Variants in SIPA1L3 observed in about 807,000 individuals in gnomAD.
The protein encoded by SIPA1L3 is signal-induced proliferation-associated 1-like protein 3.
Under a neutral mutation model 150.1 loss-of-function variants are expected in SIPA1L3, and 59 were observed. That is an observed-to-expected ratio of 0.39 (90% CI 0.32 to 0.49). SIPA1L3 has a LOEUF of 0.49. Ranked by LOEUF, SIPA1L3 falls within the 20% of genes least tolerant of loss-of-function variation. The probability of loss-of-function intolerance (pLI) is 0.86; values close to 1 mark genes in which losing one functional copy is unlikely to be tolerated. For synonymous variants in SIPA1L3, 1,070 were observed against 1,077.6 expected (o/e 0.99, Z 0.14); for missense variants, 2,211 against 2,489.5 (o/e 0.89, Z 2.38).
chr19:38,090,005 C>G (rs1239945917), intron 4 of SIPA1L3, among the ~76,000 whole-genome samples: 1 of 152,100 alleles, frequency 6.6e-6, no homozygotes, highest in Non-Finnish European at 1.5e-5. Flanking sequence ...ATGGGCTGCT[C>G]AAATCTACTT....
At chr19:38,168,260 G>A (rs10403716) in intron 15 of SIPA1L3, among the ~76,000 whole-genome samples, 23,756 of 151,792 alleles carry the variant, frequency 0.16, 1,945 homozygotes, top group African/African-American at 0.19. Context: ...GGTGGTGGGC[G>A]CCTGTAATCC....
intron 10 of SIPA1L3, among the ~76,000 whole-genome samples, chr19:38,136,766 G>C (rs1473269810): frequency 6.6e-6 from 1 of 152,182 alleles, no homozygotes; most frequent in Non-Finnish European, 1.5e-5. Flanking sequence ...TTCATTATTT[G>C]CTGAGCTCCT....
At chr19:38,057,053 T>C (rs566430257) in intron 2 of SIPA1L3, among the ~76,000 whole-genome samples, 90 of 152,164 alleles carry the variant, frequency 5.9e-4, no homozygotes, top group African/African-American at 2.0e-3. Flanking sequence ...GGTGGATCAC[T>C]TGAGGTCAGG....
rs1208879970 is a variant in SIPA1L3, at chr19:38,082,537, C to T, written c.972C>T (p.Gly324=). 2.5e-6 allele frequency: 4 copies of T among 1,599,882 alleles called. No individual in the cohort carries two copies. In the East Asian group the frequency reaches 6.7e-5, roughly 27 times the overall value. ...AGRSPGEADE[G]RSPPEASRPW... is the part of the protein sequence containing the mutation. The stretch of plus-strand genomic sequence containing the variant: ...GTTCCCCGGGGGAGGCCGACGAGGG[C>T]CGGAGCCCCCCGGAAGCCAGCAGGC... The change falls in exon 3 of 22, where the codon GGC becomes GGT. Residue 324 remains glycine, a synonymous_variant. Transcript: ENST00000222345.
At chr19:38,053,804 G>C (rs1969257104) in intron 2 of SIPA1L3, among the ~76,000 whole-genome samples, 1 of 151,998 alleles carries the variant, frequency 6.6e-6, no homozygotes, top group Non-Finnish European at 1.5e-5. Context: ...GGGCTCAGGT[G>C]ATCCTCTCGC....
intron 11 of SIPA1L3, 92 bp downstream of exon 11, chr19:38,141,527 C>A: frequency 1.5e-6 from 2 of 1,333,284 alleles, no homozygotes; most frequent in South Asian, 1.4e-5. Flanking sequence ...TTCCTCCATC[C>A]TCTTCCTCGC....
At position 38,141,032 on chromosome 19, in the gene SIPA1L3, T is replaced by G. The variant is rs1600126556; in HGVS notation, c.3144-152T>G. Reference sequence around the variant, plus strand: ...AACATCATGCCGCTGTACTCCAGCCTGGGCGACAAAGCAAGACTCTGTCTC... The same window carrying G: ...AACATCATGCCGCTGTACTCCAGCCGGGGCGACAAAGCAAGACTCTGTCTC... On this transcript the variant is annotated intron_variant, in intron 10 of 21. Coordinates refer to ENST00000222345, the MANE Select transcript of SIPA1L3 (RefSeq NM_015073.3). 32 of 830,932 alleles carry G rather than the reference T, an allele frequency of 3.9e-5. No homozygotes were observed. The South Asian group carries it at 6.3e-4, about 16-fold the overall frequency. The allele number at this position is 830,932 out of a possible 1,614,324, so 51.5% of individuals were successfully genotyped here.
chr19:38,088,839 C>G lies in SIPA1L3; in HGVS notation c.1653C>G (p.Phe551Leu), dbSNP rs139167834. The G allele has an allele frequency of 8.7e-6, 14 of 1,613,790 alleles. No homozygotes were observed. The African/African-American group carries it at 1.7e-4, about 20-fold the overall frequency. Residue 551 changes from phenylalanine (F) to leucine (L), a missense_variant, in exon 4 of 22, where the codon TTC (phenylalanine) becomes TTG (leucine). By Grantham distance (22) the Phe-to-Leu change is conservative. Around this residue, in one of 5 missense-constraint regions of SIPA1L3, gnomAD observed 625 missense variants for 804.2 expected, o/e 0.78. Transcript: ENST00000222345. ...CTCAGTACCAGTACAGGATCATCTT[C>G]CGGACCCGCGAGGTAGGTCCCATCA... Reference protein sequence around the residue: ...HGPQYQYRIIFRTRELITLRG... With the variant: ...HGPQYQYRIILRTRELITLRG...
intron 12 of SIPA1L3, 106 bp downstream of exon 12, chr19:38,142,816 T>C: frequency 7.1e-7 from 1 of 1,412,076 alleles, no homozygotes; most frequent in South Asian, 1.3e-5. Flanking sequence ...CATTTTATGG[T>C]GTTTCTGGAC....
chr19:37,999,889 T>C (rs148117444), intron 1 of SIPA1L3, among the ~76,000 whole-genome samples: 17 of 152,254 alleles, frequency 1.1e-4, no homozygotes, highest in Middle Eastern at 3.4e-3. Context: ...TCTTGAACAG[T>C]GTGGACCAGG....
intron 2 of SIPA1L3, among the ~76,000 whole-genome samples, chr19:38,067,311 G>C (rs1969618291): frequency 6.6e-6 from 1 of 152,198 alleles, no homozygotes; most frequent in African/African-American, 2.4e-5. Context: ...ACCCTTAAAA[G>C]CAGAACAGGT....
At position 38,100,162 on chromosome 19, in the gene SIPA1L3, G is replaced by A. The variant is rs773535674; in HGVS notation, c.1854+12G>A. On this transcript the variant is annotated intron_variant, in intron 5 of 21. Transcript: ENST00000222345. ...TCGATGAGCAAGGGGTGAGTCAGGG[G>A]CTGGAGGTGGGGGTGCTGCTGGGGC... is the stretch of plus-strand genomic sequence containing the variant. 1.9e-6 allele frequency: 3 copies of A among 1,538,910 alleles called. No individual in the cohort carries two copies. Among genetic ancestry groups the A allele is most frequent in the African/African-American group, 1.4e-5 (1 of 71,204 alleles).
chr19:38,086,537 G>A (rs1970136208), intron 3 of SIPA1L3, among the ~76,000 whole-genome samples: 1 of 152,100 alleles, frequency 6.6e-6, no homozygotes, highest in Non-Finnish European at 1.5e-5. Context: ...TAAAAATTTA[G>A]CCAGGTGTGG....
intron 19 of SIPA1L3, among the ~76,000 whole-genome samples, chr19:38,199,656 C>T (rs1042565545): frequency 2.5e-4 from 38 of 152,238 alleles, no homozygotes; most frequent in Admixed American, 1.4e-3. Flanking sequence ...ACACCAGCAC[C>T]ACCATGGAGG....
chr19:38,201,592 C>T (rs1214766045), intron 19 of SIPA1L3, among the ~76,000 whole-genome samples: 1 of 152,246 alleles, frequency 6.6e-6, no homozygotes, highest in Non-Finnish European at 1.5e-5. Flanking sequence ...GCACTCTCAT[C>T]TAACTGGCTT....
chr19:38,192,281 C>T lies in SIPA1L3; in HGVS notation c.4567C>T (p.Leu1523=). ...GAAGAAACTCATCATCATGGACAAC[C>T]TGGGGCCAGAGCAGGAGAGAGACAC... is the stretch of plus-strand genomic sequence containing the variant. The part of the protein sequence containing the change: ...DLKKLIIMDN[L]GPEQERDTGQ... The change falls in exon 17 of 22, where the codon CTG becomes TTG. Residue 1523 remains leucine (L), a synonymous_variant. Transcript: ENST00000222345. 1.2e-6 allele frequency: 2 copies of T among 1,612,242 alleles called. No individual in the cohort carries two copies. Among genetic ancestry groups the T allele is most frequent in the Admixed American group, 3.4e-5 (2 of 59,696 alleles).
At chr19:38,086,505 TAGTG>T (rs1568542792) in intron 3 of SIPA1L3, among the ~76,000 whole-genome samples, 1 of 151,946 alleles carries the variant, frequency 6.6e-6, no homozygotes, top group East Asian at 1.9e-4. Context: ...CTGGGCAACA[TAGTG>T]AGACCTCAAA....
At chr19:37,971,566 TG>T (rs919702390) in intron 1 of SIPA1L3, among the ~76,000 whole-genome samples, 7 of 88,830 alleles carry the variant, frequency 7.9e-5, no homozygotes, top group South Asian at 4.0e-4. Flanking sequence ...TTTTGTTTTT[TG>T]GGGTTTTTTT....
At position 38,164,927 on chromosome 19, in the gene SIPA1L3, T is replaced by G. The variant is rs1568586963; in HGVS notation, c.4208+21T>G. 6.6e-7 allele frequency: 1 copy of G among 1,512,718 alleles called. No individual in the cohort carries two copies. Among genetic ancestry groups the G allele is most frequent in the Non-Finnish European group, 8.8e-7 (1 of 1,132,292 alleles). 93.7% of individuals were successfully genotyped at this position (1,512,718 alleles called of 1,614,324 possible). Reference sequence around the variant, plus strand: ...CCCAGGTAAGCTGTTGCACCTAGTCTGGGTTCTAACCACCTTCCACTTCGC... The same window carrying G: ...CCCAGGTAAGCTGTTGCACCTAGTCGGGGTTCTAACCACCTTCCACTTCGC... On this transcript the variant is annotated intron_variant, in intron 15 of 21. Coordinates refer to ENST00000222345, the MANE Select transcript of SIPA1L3 (RefSeq NM_015073.3). The surrounding 1 kb of genome is among the most constrained non-coding windows in gnomAD (Gnocchi z 4.1).
Sources: gnomAD v4.1 joint callset for allele counts (sites outside exome capture counted in the v4.1 genomes callset) on GRCh38, gnomAD v4.1.1 for gene constraint, gnomAD v4.1.1 regional missense constraint, Gnocchi (gnomAD v3.1) non-coding constraint, MANE v1.5 for transcripts, NCBI Gene and HGNC (gene_info 2026-07-23, HGNC 2026-07-21) for gene names.